ADAMTS20: variants seen among roughly 807,000 people sequenced by gnomAD.
The protein encoded by ADAMTS20 is ADAM metallopeptidase with thrombospondin type 1 motif 20, also known as A disintegrin and metalloproteinase with thrombospondin motifs 20.
Under a neutral mutation model 260.1 loss-of-function variants are expected in ADAMTS20, and 225 were observed. That is an observed-to-expected ratio of 0.87 (90% CI 0.78 to 0.97). The LOEUF is 0.97. Ranked by LOEUF, ADAMTS20 falls within the 50% of genes least tolerant of loss-of-function variation. The pLI, the probability that ADAMTS20 is intolerant of heterozygous loss-of-function variation, is 0.00. For missense variants in ADAMTS20, 2,400 were observed against 2,337.7 expected (o/e 1.03, Z -0.55); for synonymous variants, 802 against 769.5 (o/e 1.04, Z -0.70).
At chr12:43,374,061 T>G (rs887201597) in intron 36 of ADAMTS20, among the ~76,000 whole-genome samples, 1 of 152,062 alleles carries the variant, frequency 6.6e-6, no homozygotes, top group African/African-American at 2.4e-5. Context: ...ACCTTAGTAA[T>G]AGTTTCTCAT....
In ADAMTS20 at chr12:43,425,579, C is replaced by A. The variant is rs747329081; in HGVS notation, c.4219G>T (p.Val1407Leu). Residue 1407 changes from valine to leucine, a missense_variant, in exon 28 of 39, where the codon GTA becomes TTA. Physicochemically the swap from Val to Leu is conservative, Grantham distance 32. Coordinates refer to ENST00000389420, the MANE Select transcript of ADAMTS20 (RefSeq NM_025003.5). ...NCEIVNKPPS[V>L]IQCHMHACPA... ...CAAGCATGCATATGACACTGTATTACGCTAGGTGGCTTGTTTACAATTTCA... is the reference window on the plus strand; with the variant it reads ...CAAGCATGCATATGACACTGTATTAAGCTAGGTGGCTTGTTTACAATTTCA... 1.2e-6 allele frequency: 2 copies of A among 1,608,920 alleles called. No individual in the cohort carries two copies. Among genetic ancestry groups the A allele is most frequent in the Non-Finnish European group, 8.5e-7 (1 of 1,177,110 alleles).
At chr12:43,428,161 T>C (rs902345818) in intron 26 of ADAMTS20, 80 bp downstream of exon 26, 4 of 1,366,302 alleles carry the variant, frequency 2.9e-6, no homozygotes, top group African/African-American at 1.4e-5. Context: ...AAAGTACTGA[T>C]GGCATCATAT....
At chr12:43,398,050 C>A (rs1179428150) in intron 29 of ADAMTS20, among the ~76,000 whole-genome samples, 1 of 152,158 alleles carries the variant, frequency 6.6e-6, no homozygotes, top group Non-Finnish European at 1.5e-5. Flanking sequence ...ACTCAAACAT[C>A]TGACAGAGAT....
intron 36 of ADAMTS20, among the ~76,000 whole-genome samples, chr12:43,374,301 T>G (rs1940174135): frequency 6.6e-6 from 1 of 152,172 alleles, no homozygotes; most frequent in Non-Finnish European, 1.5e-5. Context: ...ATGCATATAC[T>G]GTCTTAATTT....
intron 16 of ADAMTS20, among the ~76,000 whole-genome samples, chr12:43,442,841 C>T (rs1422053949): frequency 4.6e-5 from 7 of 152,218 alleles, no homozygotes; most frequent in South Asian, 2.1e-4. Context: ...CATCATTAAA[C>T]GAACAGTTCA....
intron 29 of ADAMTS20, among the ~76,000 whole-genome samples, chr12:43,395,488 T>C (rs1162789121): frequency 6.6e-6 from 1 of 152,030 alleles, no homozygotes; most frequent in Admixed American, 6.6e-5. Flanking sequence ...TTTTCTTTTT[T>C]TTCCAAATTA....
At chr12:43,520,230 C>T (rs1372038010) in intron 3 of ADAMTS20, among the ~76,000 whole-genome samples, 1 of 152,128 alleles carries the variant, frequency 6.6e-6, no homozygotes, top group African/African-American at 2.4e-5. Context: ...ACATGCACAT[C>T]AGGCAGTTTA....
At chr12:43,506,295 T>G (rs1592101839) in intron 3 of ADAMTS20, among the ~76,000 whole-genome samples, 1 of 151,550 alleles carries the variant, frequency 6.6e-6, no homozygotes, top group East Asian at 1.9e-4. Context: ...TAAAATTCAC[T>G]GAAACAAAAA....
chr12:43,435,640 C>CT (rs1450029248), intron 18 of ADAMTS20, among the ~76,000 whole-genome samples: 2 of 65,150 alleles, frequency 3.1e-5, no homozygotes, highest in Non-Finnish European at 5.8e-5. Context: ...GACTCCATTT[C>CT]TAAAAAAAAA....
intron 37 of ADAMTS20, among the ~76,000 whole-genome samples, chr12:43,360,828 C>T (rs1226048910): frequency 1.3e-5 from 2 of 151,618 alleles, no homozygotes; most frequent in African/African-American, 2.4e-5. Flanking sequence ...AAACTCTACA[C>T]CCTGATAATA....
chr12:43,410,774 A>G (rs1198253819), intron 28 of ADAMTS20, among the ~76,000 whole-genome samples: 3 of 152,218 alleles, frequency 2.0e-5, no homozygotes, highest in Non-Finnish European at 4.4e-5. Flanking sequence ...TATTTGCCCT[A>G]TAGAGGAGGA....
chr12:43,356,349 G>A (rs114960832), intron 38 of ADAMTS20, 135 bp downstream of exon 38: 42 of 567,844 alleles, frequency 7.4e-5, no homozygotes, highest in Non-Finnish European at 1.1e-4. Context: ...TCCATTATAT[G>A]TAATATACCC....
chr12:43,466,712 A>G lies in ADAMTS20; in HGVS notation c.1307T>C (p.Phe436Ser), dbSNP rs772410101. Residue 436 changes from phenylalanine (F) to serine (S), a missense_variant, in exon 9 of 39, where the codon TTT becomes TCT. Coordinates refer to ENST00000389420, the MANE Select transcript of ADAMTS20 (RefSeq NM_025003.5). ...KYHVMAPALS[F>S]HMSPWSWSNC... ...TGACCAGCTCCAAGGACTCATGTGA[A>G]AACTTAAAGCAGGGGCCATTACATG... The G allele has an allele frequency of 1.2e-5, 19 of 1,611,992 alleles. No individual in the cohort carries two copies. The South Asian group carries it at 2.1e-4, about 18-fold the overall frequency.
chr12:43,466,970 T>C (rs1942165799), intron 8 of ADAMTS20, among the ~76,000 whole-genome samples, 175 bp from the exon 9 acceptor site: 1 of 151,746 alleles, frequency 6.6e-6, no homozygotes. Flanking sequence ...TAGAAGTACC[T>C]GATGACTGAG....
At position 43,551,021 on chromosome 12, in the gene ADAMTS20, C is replaced by G. The variant is rs751548783; in HGVS notation, c.341G>C (p.Arg114Pro). Reference sequence around the variant, plus strand: ...CCCTGCGTCGCTCTCCCAGGCCCCGCGCTCCGGGGTTCCCAAGTGCACCTC... The same window carrying G: ...CCCTGCGTCGCTCTCCCAGGCCCCGGGCTCCGGGGTTCCCAAGTGCACCTC... ...YTEVHLGTPE[R>P]GAWESDAGPS... The change falls in exon 2 of 39, where the codon CGC (arginine) becomes CCC (proline). Residue 114 changes from arginine (R) to proline (P), a missense_variant. Physicochemically the swap from Arg to Pro is moderately radical, Grantham distance 103. Coordinates refer to ENST00000389420, the MANE Select transcript of ADAMTS20 (RefSeq NM_025003.5). This position sits in a 1 kb window ranked among gnomAD's most constrained non-coding sequence, Gnocchi z 4.6. 1 of 1,613,766 alleles carries G rather than the reference C, an allele frequency of 6.2e-7. No homozygotes were observed. The highest frequency in any genetic ancestry group is 8.5e-7 in the Non-Finnish European group (1 of 1,179,790).
rs1445125048 is a variant in ADAMTS20 at position 43,443,830 on chromosome 12, G to C, written c.2251C>G (p.Gln751Glu). Residue 751 changes from glutamine (Q) to glutamate (E), a missense_variant, in exon 16 of 39, where the codon CAG becomes GAG. Transcript: ENST00000389420. ...PAGATNVDIRQYSYSGQPDDS... is the reference protein window; with the variant it reads ...PAGATNVDIREYSYSGQPDDS... ...TCTGGTTGTCCAGAATAGCTGTACT[G>C]ACGAATGTCAACGTTTGTTGCTCCT... 1 of 1,613,210 alleles carries C rather than the reference G, an allele frequency of 6.2e-7. No homozygotes were observed. Among genetic ancestry groups the C allele is most frequent in the Non-Finnish European group, 8.5e-7 (1 of 1,179,466 alleles).
chr12:43,435,278 A>C (rs1357607682), intron 18 of ADAMTS20, among the ~76,000 whole-genome samples: 3 of 152,206 alleles, frequency 2.0e-5, no homozygotes, highest in Admixed American at 6.5e-5. Flanking sequence ...GGCAGAGGGA[A>C]GAAAGATGAA....
At chr12:43,425,050 A>G in intron 28 of ADAMTS20, among the ~76,000 whole-genome samples, 1 of 152,214 alleles carries the variant, frequency 6.6e-6, no homozygotes, top group East Asian at 1.9e-4. Context: ...TTATCATACC[A>G]TACATAGCAC....
chr12:43,510,909 T>C (rs1942915246), intron 3 of ADAMTS20, among the ~76,000 whole-genome samples: 1 of 152,126 alleles, frequency 6.6e-6, no homozygotes, highest in African/African-American at 2.4e-5. Flanking sequence ...TACTGGCACC[T>C]CATATTTAAA....
Sources: allele counts gnomAD v4.1 joint callset (sites outside exome capture counted in the v4.1 genomes callset), GRCh38; gene constraint gnomAD v4.1.1; non-coding constraint Gnocchi (gnomAD v3.1); transcripts MANE v1.5; gene names NCBI Gene and HGNC (gene_info 2026-07-23, HGNC 2026-07-21).